VAV2: variants seen among roughly 807,000 people sequenced by gnomAD.
The protein encoded by VAV2 is vav guanine nucleotide exchange factor 2.
A neutral mutation model predicts 132.5 loss-of-function variants in VAV2; 67 were observed. The observed-to-expected ratio is 0.51, with a 90% CI of 0.42 to 0.62. The LOEUF is 0.62. VAV2 is among the 20% of genes least tolerant of loss of function. The pLI, the probability that VAV2 is intolerant of heterozygous loss-of-function variation, is 0.00. For missense variants in VAV2, 938 were observed against 1,153.6 expected, an observed-to-expected ratio of 0.81 and a Z score of 2.71; for synonymous variants, 492 against 443.5, an observed-to-expected ratio of 1.11 and a Z score of -1.37.
chr9:133,770,042 G>C (rs1363040414), intron 27 of VAV2, among the ~76,000 whole-genome samples: 1 of 152,218 alleles, frequency 6.6e-6, no homozygotes, highest in African/African-American at 2.4e-5. Context: ...AGGGATCTGG[G>C]AACAGGTGGG....
chr9:133,944,383 C>T (rs1001610476), intron 1 of VAV2, among the ~76,000 whole-genome samples: 1 of 152,222 alleles, frequency 6.6e-6, no homozygotes, highest in Admixed American at 6.5e-5. Flanking sequence ...CCGGGGGAGG[C>T]AAATCCACTT....
intron 1 of VAV2, among the ~76,000 whole-genome samples, chr9:133,963,186 C>A (rs997908570): frequency 6.6e-6 from 1 of 152,178 alleles, no homozygotes; most frequent in Non-Finnish European, 1.5e-5. Flanking sequence ...TTCCCCAGGA[C>A]CCAGCACCAG....
chr9:133,924,640 TCAC>T (rs949310351), intron 2 of VAV2, among the ~76,000 whole-genome samples: 26 of 152,194 alleles, frequency 1.7e-4, no homozygotes, highest in Non-Finnish European at 2.2e-4. Context: ...AGGAGGCCAG[TCAC>T]CACCAGCTCT....
At chr9:133,775,992 C>G (rs918804013) in intron 24 of VAV2, 36 bp downstream of exon 24, 12 of 1,578,490 alleles carry the variant, frequency 7.6e-6, no homozygotes, top group Non-Finnish European at 9.5e-6. Flanking sequence ...AAAGAGGCCA[C>G]CAGATGCCCA....
intron 3 of VAV2, among the ~76,000 whole-genome samples, chr9:133,859,085 C>T (rs980799646): frequency 6.0e-5 from 9 of 151,014 alleles, no homozygotes; most frequent in South Asian, 2.1e-4. Flanking sequence ...GGGCCAGAGA[C>T]GTGGGGGACG....
intron 4 of VAV2, among the ~76,000 whole-genome samples, chr9:133,828,808 G>C (rs1342551003): frequency 1.3e-5 from 2 of 152,190 alleles, no homozygotes; most frequent in African/African-American, 4.8e-5. Flanking sequence ...CTCCAGATGG[G>C]GAGCCCCACC....
intron 4 of VAV2, among the ~76,000 whole-genome samples, chr9:133,832,575 C>T (rs188637822): frequency 6.6e-6 from 1 of 151,856 alleles, no homozygotes; most frequent in African/African-American, 2.4e-5. Context: ...TTTTTTTACC[C>T]CAGACGGAGT....
At position 133,768,626 on chromosome 9, in the gene VAV2, G is replaced by A. The variant is rs768188499; in HGVS notation, c.2435-30C>T. The A allele has an allele frequency of 6.9e-6, 11 of 1,604,718 alleles. No individual in the cohort carries two copies. The South Asian group carries it at 1.2e-4, about 18-fold the overall frequency. On this transcript the variant is annotated intron_variant, in intron 28 of 29. Coordinates refer to ENST00000371850, the MANE Select transcript of VAV2 (RefSeq NM_001134398.2). The surrounding 1 kb of genome is among the most constrained non-coding windows in gnomAD (Gnocchi z 5.3). ...TGAGGGAGATGGGCAGCATCACACA[G>A]CTGCAGGAGGAGCCCAACCAGTGAT...
chr9:133,941,883 C>G (rs1056444108), intron 1 of VAV2, among the ~76,000 whole-genome samples: 3 of 152,184 alleles, frequency 2.0e-5, no homozygotes, highest in East Asian at 3.9e-4. Flanking sequence ...GGATTACAGG[C>G]GTGAGCCACC....
At chr9:133,774,223 A>G (rs1833730761) in intron 25 of VAV2, among the ~76,000 whole-genome samples, 2 of 152,222 alleles carry the variant, frequency 1.3e-5, no homozygotes, top group South Asian at 2.1e-4. Context: ...GCCTTCATAC[A>G]GCACCCATCT....
rs974828981 is a variant in VAV2, at chr9:133,763,779, G to A, written c.*283C>T. ...CCTCTGGCCTCAGCCACTACCCAGAGCCTGGCTCGCAGCGCTGTCGGTGCC... is the reference window on the plus strand; with the variant it reads ...CCTCTGGCCTCAGCCACTACCCAGAACCTGGCTCGCAGCGCTGTCGGTGCC... On this transcript the variant is annotated 3_prime_UTR_variant, in exon 30 of 30. Coordinates refer to ENST00000371850, the MANE Select transcript of VAV2 (RefSeq NM_001134398.2). The surrounding 1 kb of genome is among the most constrained non-coding windows in gnomAD (Gnocchi z 6.8). The A allele has an allele frequency of 2.2e-6, 1 of 463,856 alleles. No individual in the cohort carries two copies. The highest frequency in any genetic ancestry group is 4.0e-6 in the Non-Finnish European group (1 of 251,626). 28.7% of individuals were successfully genotyped at this position (463,856 alleles called of 1,614,324 possible).
Position 133,879,916 on chromosome 9 carries a change from C to T in VAV2, c.322-18484G>A, listed in dbSNP as rs918684117. The stretch of plus-strand genomic sequence containing the variant: ...ACCTTGATGACTGCTTAATCCTGGC[C>T]CATCAAGGGACTTCCCAAAATGGCC... On this transcript the variant is annotated intron_variant, in intron 2 of 29. Transcript: ENST00000371850. The surrounding 1 kb of genome is among the most constrained non-coding windows in gnomAD (Gnocchi z 4.4). 6.6e-6 allele frequency among the ~76,000 whole-genome samples: 1 copy of T among 152,208 alleles called. No homozygotes were observed. The highest frequency in any genetic ancestry group is 1.5e-5 in the Non-Finnish European group (1 of 68,038).
chr9:133,779,204 G>A (rs939956744), intron 21 of VAV2, among the ~76,000 whole-genome samples: 1 of 152,272 alleles, frequency 6.6e-6, no homozygotes, highest in African/African-American at 2.4e-5. Context: ...GAAGACGGGG[G>A]ATCCCTCGTG....
intron 16 of VAV2, among the ~76,000 whole-genome samples, chr9:133,786,654 C>T (rs916478993): frequency 2.6e-5 from 4 of 152,260 alleles, no homozygotes; most frequent in Admixed American, 1.3e-4. Flanking sequence ...GGGCCTGGGG[C>T]ACCCCCCGTG....
In VAV2 at chr9:133,942,293, G is replaced by A. The variant is rs573695125; in HGVS notation, c.205-3074C>T. 1.2e-3 allele frequency among the ~76,000 whole-genome samples: 185 copies of A among 152,368 alleles called. 1 individual carries two copies. The highest frequency in any genetic ancestry group is 3.8e-3 in the African/African-American group (158 of 41,582). ...GCCAGCCACTCCAAGGGTGGCCACCGTTGCCAGAAGCGGGAGAGGGCGTGG... is the reference window on the plus strand; with the variant it reads ...GCCAGCCACTCCAAGGGTGGCCACCATTGCCAGAAGCGGGAGAGGGCGTGG... On this transcript the variant is annotated intron_variant, in intron 1 of 29. Transcript: ENST00000371850.
intron 1 of VAV2, among the ~76,000 whole-genome samples, chr9:133,952,176 C>G (rs1160811588): frequency 6.6e-6 from 1 of 151,992 alleles, no homozygotes; most frequent in Non-Finnish European, 1.5e-5. Context: ...TGGGGAGACA[C>G]AAACATTCAG....
intron 2 of VAV2, among the ~76,000 whole-genome samples, chr9:133,910,959 T>C (rs901378183): frequency 6.6e-6 from 1 of 151,980 alleles, no homozygotes; most frequent in Non-Finnish European, 1.5e-5. Context: ...ACACCGTGTT[T>C]GTCTATGGGT....
intron 2 of VAV2, among the ~76,000 whole-genome samples, chr9:133,900,884 C>T (rs141379980): frequency 0.033 from 4,943 of 151,782 alleles, 93 homozygotes; most frequent in African/African-American, 0.036. Flanking sequence ...CTGCAACCTC[C>T]GCCTCCCGGG....
chr9:133,921,005 C>A (rs1840278479), intron 2 of VAV2, among the ~76,000 whole-genome samples: 1 of 152,174 alleles, frequency 6.6e-6, no homozygotes, highest in Non-Finnish European at 1.5e-5. Context: ...CATAATTAGT[C>A]TTTGATTAAT....
Sources: allele counts gnomAD v4.1 joint callset (sites outside exome capture counted in the v4.1 genomes callset), GRCh38; gene constraint gnomAD v4.1.1; non-coding constraint Gnocchi (gnomAD v3.1); transcripts MANE v1.5; gene names NCBI Gene and HGNC (gene_info 2026-07-23, HGNC 2026-07-21).